Variants in ZCCHC7 observed in about 807,000 individuals in gnomAD.
ZCCHC7 encodes zinc finger CCHC domain-containing protein 7.
ZCCHC7 carries 35 observed loss-of-function variants against 52.0 expected under a neutral mutation model. That is an observed-to-expected ratio of 0.67 (90% confidence interval 0.51 to 0.89). The LOEUF (loss-of-function observed/expected upper bound fraction) is 0.89. Ranked by LOEUF, ZCCHC7 falls within the 40% of genes least tolerant of loss-of-function variation. ZCCHC7 has a pLI of 0.00. For missense variants in ZCCHC7, 574 were observed against 649.1 expected, an observed-to-expected ratio of 0.88 and a Z score of 1.26; for synonymous variants, 217 against 221.5, an observed-to-expected ratio of 0.98 and a Z score of 0.18.
At chr9:37,317,706 T>C (rs558904883) in intron 5 of ZCCHC7, among the ~76,000 whole-genome samples, 11 of 151,706 alleles carry the variant, frequency 7.3e-5, no homozygotes, top group African/African-American at 2.7e-4. Flanking sequence ...TGGGAGAAAA[T>C]GGGAGCAAGA....
At chr9:37,253,959 A>G (rs1252596788) in intron 2 of ZCCHC7, among the ~76,000 whole-genome samples, 1 of 151,960 alleles carries the variant, frequency 6.6e-6, no homozygotes, top group Admixed American at 6.6e-5. Flanking sequence ...CAGTTTTGCC[A>G]GTTGTTTAAA....
At chr9:37,249,456 C>CTTTTTTTTTTTTTTTTTTTT (rs60166399) in intron 2 of ZCCHC7, among the ~76,000 whole-genome samples, 89 of 111,236 alleles carry the variant, frequency 8.0e-4, no homozygotes, top group African/African-American at 1.1e-3. Context: ...CTTCTTCTTC[C>CTTTTTTTTTTTTTTTTTTTT]TTTTTTTTTT....
chr9:37,201,997 G>C (rs1057006098), intron 2 of ZCCHC7, among the ~76,000 whole-genome samples: 1 of 152,138 alleles, frequency 6.6e-6, no homozygotes, highest in Non-Finnish European at 1.5e-5. Context: ...TAGAAATAGA[G>C]CTTCTATTCA....
At chr9:37,327,999 G>A (rs1323483349) in intron 6 of ZCCHC7, among the ~76,000 whole-genome samples, 165 bp downstream of exon 6, 2 of 151,738 alleles carry the variant, frequency 1.3e-5, no homozygotes, top group African/African-American at 4.8e-5. Flanking sequence ...CTTTTCCACT[G>A]CCCCCTACCC....
At chr9:37,204,261 G>T (rs961733525) in intron 2 of ZCCHC7, among the ~76,000 whole-genome samples, 3 of 152,158 alleles carry the variant, frequency 2.0e-5, no homozygotes, top group African/African-American at 4.8e-5. Context: ...TAGGTTGTCT[G>T]TTCACTCTGA....
chr9:37,254,995 C>T (rs140451310), intron 2 of ZCCHC7, among the ~76,000 whole-genome samples: 1 of 151,680 alleles, frequency 6.6e-6, no homozygotes, highest in African/African-American at 2.4e-5. Context: ...TCAGAAGAGC[C>T]TCTTGGGATG....
intron 2 of ZCCHC7, among the ~76,000 whole-genome samples, chr9:37,162,999 G>C (rs1279640361): frequency 6.6e-6 from 1 of 152,010 alleles, no homozygotes; most frequent in African/African-American, 2.4e-5. Flanking sequence ...TCAAAAGATT[G>C]AGACCATCCT....
In ZCCHC7 at chr9:37,302,173, T is replaced by G; in HGVS notation, c.611-15T>G. The G allele has an allele frequency of 1.2e-6, 2 of 1,601,596 alleles. No individual in the cohort carries two copies. The highest frequency in any genetic ancestry group is 1.1e-5 in the South Asian group (1 of 89,656). ...AAAAGTGCCACGGTTAAGTAATAAT[T>G]TATTTGTTTTGTAGGAGAAGATGGT... On this transcript the variant is annotated splice_polypyrimidine_tract_variant and intron_variant, in intron 2 of 8. Coordinates refer to ENST00000336755, the MANE Select transcript of ZCCHC7 (RefSeq NM_032226.3).
At chr9:37,240,034 A>C (rs1259192828) in intron 2 of ZCCHC7, among the ~76,000 whole-genome samples, 3 of 152,074 alleles carry the variant, frequency 2.0e-5, no homozygotes, top group South Asian at 2.1e-4. Flanking sequence ...ATGATGTATT[A>C]AAAGCCAATT....
At chr9:37,303,419 C>A (rs1179986303) in intron 3 of ZCCHC7, among the ~76,000 whole-genome samples, 4 of 150,520 alleles carry the variant, frequency 2.7e-5, no homozygotes, top group Non-Finnish European at 5.9e-5. Context: ...GAGTGAAACT[C>A]CGTCTCAAAA....
In ZCCHC7 at chr9:37,305,606, C is replaced by G. The variant is rs35378147; in HGVS notation, c.843C>G (p.Pro281=). The G allele has an allele frequency of 6.4e-5, 103 of 1,613,956 alleles. No individual in the cohort carries two copies. Among genetic ancestry groups the G allele is most frequent in the Non-Finnish European group, 8.0e-5 (94 of 1,180,026 alleles). ...ATCTCCTGTATTCCTGTCCAGCCCC[C>G]CTTTGCGAATACTGTCCTGTGCCTA... ...RGHLLYSCPA[P]LCEYCPVPKM... is the part of the protein sequence containing the mutation. Residue 281 remains proline, a synonymous_variant, in exon 5 of 9, where the codon CCC becomes CCG. Coordinates refer to ENST00000336755, the MANE Select transcript of ZCCHC7 (RefSeq NM_032226.3).
In ZCCHC7 at chr9:37,319,255, C is replaced by T. The variant is rs1829958290; in HGVS notation, c.952-8544C>T. On this transcript the variant is annotated intron_variant, in intron 5 of 8. Transcript: ENST00000336755. Reference sequence around the variant, plus strand: ...TCTTATTGGCTGTTGATAGTTCTGTCTGTATTTTGGATATAAGTCTTCAGT... The same window carrying T: ...TCTTATTGGCTGTTGATAGTTCTGTTTGTATTTTGGATATAAGTCTTCAGT... 2.6e-5 allele frequency among the ~76,000 whole-genome samples: 4 copies of T among 151,976 alleles called. No individual in the cohort carries two copies. The South Asian group carries it at 8.3e-4, about 32-fold the overall frequency.
chr9:37,339,845 T>C (rs1284241161), intron 6 of ZCCHC7, among the ~76,000 whole-genome samples: 1 of 152,206 alleles, frequency 6.6e-6, no homozygotes, highest in Non-Finnish European at 1.5e-5. Flanking sequence ...ACATATCGTA[T>C]ATAGTAATGA....
chr9:37,352,782 C>T (rs1001324353), intron 7 of ZCCHC7, among the ~76,000 whole-genome samples: 1 of 151,744 alleles, frequency 6.6e-6, no homozygotes, highest in Non-Finnish European at 1.5e-5. Flanking sequence ...GCCTCGGCCT[C>T]CCAAAGTGTT....
intron 2 of ZCCHC7, among the ~76,000 whole-genome samples, chr9:37,149,191 T>A (rs952728071): frequency 2.2e-4 from 33 of 152,198 alleles, no homozygotes; most frequent in African/African-American, 5.8e-4. Context: ...TAAACATAGA[T>A]TATCTTGTAC....
intron 2 of ZCCHC7, among the ~76,000 whole-genome samples, chr9:37,153,159 TATTGATTGATTG>T (rs141538496): frequency 2.6e-5 from 4 of 151,612 alleles, no homozygotes; most frequent in Admixed American, 6.6e-5. Flanking sequence ...TTACTATTAT[TATTGATTGATTG>T]ATTGATTGAT....
At chr9:37,132,171 C>G (rs1312294527) in intron 2 of ZCCHC7, among the ~76,000 whole-genome samples, 1 of 152,026 alleles carries the variant, frequency 6.6e-6, no homozygotes, top group African/African-American at 2.4e-5. Context: ...AGAAAAGATG[C>G]ACCGAAGGAA....
At chr9:37,335,549 C>T (rs977638966) in intron 6 of ZCCHC7, among the ~76,000 whole-genome samples, 1 of 152,118 alleles carries the variant, frequency 6.6e-6, no homozygotes, top group Non-Finnish European at 1.5e-5. Context: ...ACAGACAGAG[C>T]ATGTTAAACA....
intron 2 of ZCCHC7, among the ~76,000 whole-genome samples, chr9:37,220,172 G>C (rs1422549945): frequency 6.6e-6 from 1 of 152,182 alleles, no homozygotes; most frequent in Non-Finnish European, 1.5e-5. Context: ...AGCTATGTAG[G>C]ATATATATTG....
Sources: gnomAD v4.1 joint callset for allele counts (sites outside exome capture counted in the v4.1 genomes callset) on GRCh38, gnomAD v4.1.1 for gene constraint, MANE v1.5 for transcripts, NCBI Gene and HGNC (gene_info 2026-07-23, HGNC 2026-07-21) for gene names.